Variants in TUBGCP2 observed in about 807,000 individuals in gnomAD.
TUBGCP2 encodes the protein tubulin gamma complex component 2.
Under a neutral mutation model 92.2 loss-of-function variants are expected in TUBGCP2, and 55 were observed. The ratio of observed to expected loss-of-function variants is 0.60; its 90% CI spans 0.48 to 0.75. The LOEUF (loss-of-function observed/expected upper bound fraction) is 0.75, where lower values mean the gene tolerates loss of function less well. TUBGCP2 is among the 30% of genes least tolerant of loss of function. The pLI, the probability that TUBGCP2 is intolerant of heterozygous loss-of-function variation, is 0.00. For missense variants in TUBGCP2, 1,093 were observed against 1,188.9 expected, an observed-to-expected ratio of 0.92 and a Z score of 1.19; for synonymous variants, 533 against 505.2, an observed-to-expected ratio of 1.06 and a Z score of -0.74.
chr10:133,299,618 A>G lies in TUBGCP2; in HGVS notation c.280-15T>C. 6.3e-7 allele frequency: 1 copy of G among 1,591,304 alleles called. No homozygotes were observed. The highest frequency in any genetic ancestry group is 8.6e-7 in the Non-Finnish European group (1 of 1,164,442). On this transcript the variant is annotated splice_polypyrimidine_tract_variant and intron_variant, in intron 3 of 17. Transcript: ENST00000252936. ...TACTGCAGAGTCTGAAAACATGTAA[A>G]ACTGTGTGTTCACACTGGGCCAGCA...
Position 133,283,220 on chromosome 10 carries a change from G to A in TUBGCP2, c.2147C>T (p.Ala716Val), listed in dbSNP as rs369872723. The change falls in exon 15 of 18, where the codon GCC becomes GTC. Residue 716 changes from alanine (A) to valine (V), a missense_variant and splice_region_variant. Physicochemically the swap from Ala to Val is moderately conservative, Grantham distance 64. Coordinates refer to ENST00000252936, the MANE Select transcript of TUBGCP2 (RefSeq NM_006659.4). The part of the protein sequence containing the change: ...WHILEKNLKS[A>V]SNIDDVLGHH... ...GCCAAGGACGTCGTCAATGTTGGAGGCCTGCGGGGAACAGGCCAAGCCCCT... is the reference window on the plus strand; with the variant it reads ...GCCAAGGACGTCGTCAATGTTGGAGACCTGCGGGGAACAGGCCAAGCCCCT... 2 of 1,614,084 alleles carry A rather than the reference G, an allele frequency of 1.2e-6. No homozygotes were observed. Among genetic ancestry groups the A allele is most frequent in the African/African-American group, 2.7e-5 (2 of 74,940 alleles).
chr10:133,294,871 A>G (rs1294871102), intron 5 of TUBGCP2, among the ~76,000 whole-genome samples: 1 of 151,964 alleles, frequency 6.6e-6, no homozygotes, highest in Non-Finnish European at 1.5e-5. Flanking sequence ...ATTTCTTTCT[A>G]TTACTCCAGT....
chr10:133,298,173 A>G (rs572103597), intron 4 of TUBGCP2, 62 bp from the exon 5 acceptor site: 28 of 1,546,096 alleles, frequency 1.8e-5, no homozygotes, highest in Admixed American at 5.4e-5. Context: ...ACACTCAACT[A>G]AAGACATGCA....
At chr10:133,311,205 A>G (rs1040502545), upstream of TUBGCP2, among the ~76,000 whole-genome samples, 7 of 152,276 alleles carry the variant, frequency 4.6e-5, no homozygotes, top group Middle Eastern at 3.4e-3. Context: ...CAGACTCTAC[A>G]TTTTCTCAAG....
intron 17 of TUBGCP2, 51 bp from the exon 18 acceptor site, chr10:133,279,952 T>G: frequency 3.8e-6 from 6 of 1,587,364 alleles, no homozygotes; most frequent in Non-Finnish European, 5.1e-6. Flanking sequence ...TGCGGGTGCA[T>G]GCTGGGCAGC....
At chr10:133,291,295 CGGGG>C in intron 8 of TUBGCP2, among the ~76,000 whole-genome samples, 5 of 111,782 alleles carry the variant, frequency 4.5e-5, no homozygotes, top group Admixed American at 9.2e-5. Context: ...CCCTGTGTCC[CGGGG>C]AGCCCTACCT....
At chr10:133,299,141 G>A (rs1315231948) in intron 4 of TUBGCP2, among the ~76,000 whole-genome samples, 1 of 152,172 alleles carries the variant, frequency 6.6e-6, no homozygotes, top group Non-Finnish European at 1.5e-5. Context: ...TAGGCTCAGA[G>A]TCACGTGGCC....
rs376929690 is a variant in TUBGCP2 at position 133,293,193 on chromosome 10, G to A, written c.870C>T (p.His290=). ...GGGTGCGCATGGCGGCCGCCAGGGC[G>A]TGGTTCACCTGCCCGTACTCGAAGG... ...KSSFEYGQVN[H]ALAAAMRTLV... is the part of the protein sequence containing the mutation. Residue 290 remains histidine (H), a synonymous_variant, in exon 7 of 18, where the codon CAC becomes CAT. Coordinates refer to ENST00000252936, the MANE Select transcript of TUBGCP2 (RefSeq NM_006659.4). 276 of 1,613,748 alleles carry A rather than the reference G, an allele frequency of 1.7e-4. No individual in the cohort carries two copies. Among genetic ancestry groups the A allele is most frequent in the Non-Finnish European group, 2.0e-4 (232 of 1,180,060 alleles).
chr10:133,281,226 G>A (rs776458149), intron 17 of TUBGCP2, 47 bp downstream of exon 17: 17 of 1,595,754 alleles, frequency 1.1e-5, no homozygotes, highest in South Asian at 6.6e-5. Flanking sequence ...AGGGGCAGGC[G>A]CTGGACTGAG....
intron 14 of TUBGCP2, 54 bp from the exon 15 acceptor site, chr10:133,283,275 C>T: frequency 6.2e-7 from 1 of 1,611,044 alleles, no homozygotes; most frequent in Admixed American, 1.7e-5. Flanking sequence ...ACAGACGGGC[C>T]CTGCATGCGC....
chr10:133,289,828 G>A lies in TUBGCP2; in HGVS notation c.1356C>T (p.Ser452=). ...TCCCCGCCCGCTGCGCCGCACCTGTGCTGAGGATCTTGTCCGCCATTTTCT... is the reference window on the plus strand; with the variant it reads ...TCCCCGCCCGCTGCGCCGCACCTGTACTGAGGATCTTGTCCGCCATTTTCT... ...FLQKMADKIL[S]TGKYLNVVRE... The change falls in exon 9 of 18, where the codon AGC becomes AGT. Residue 452 remains serine, a synonymous_variant. Transcript: ENST00000252936. 2.5e-6 allele frequency: 1 copy of A among 402,748 alleles called. No homozygotes were observed. The highest frequency in any genetic ancestry group is 1.3e-4 in the African/African-American group (1 of 7,700). The allele number at this position is 402,748 out of a possible 1,614,324, so 24.9% of individuals were successfully genotyped here.
upstream of TUBGCP2, chr10:133,309,718 A>G: frequency 6.3e-7 from 1 of 1,593,412 alleles, no homozygotes; most frequent in Non-Finnish European, 8.6e-7. Flanking sequence ...CTGTGCAGAA[A>G]GTCCAGCTTG....
chr10:133,303,109 G>A (rs569686676), intron 1 of TUBGCP2, 129 bp from the exon 2 acceptor site: 2 of 854,630 alleles, frequency 2.3e-6, no homozygotes, highest in African/African-American at 3.4e-5. Context: ...CCTGGCCTAG[G>A]GCCCCTCCCC....
chr10:133,289,988 C>A lies in TUBGCP2; in HGVS notation c.1215-19G>T. 6.2e-7 allele frequency: 1 copy of A among 1,607,902 alleles called. No homozygotes were observed. Among genetic ancestry groups the A allele is most frequent in the Non-Finnish European group, 8.5e-7 (1 of 1,174,798 alleles). On this transcript the variant is annotated intron_variant, in intron 8 of 17. Coordinates refer to ENST00000252936, the MANE Select transcript of TUBGCP2 (RefSeq NM_006659.4). ...AAACTCACTAAAACCACAGGGAGCGCTTCGGTCACAGGCAAAGCAAGGGCG... is the reference window on the plus strand; with the variant it reads ...AAACTCACTAAAACCACAGGGAGCGATTCGGTCACAGGCAAAGCAAGGGCG...
chr10:133,281,151 C>T (rs1242173511), intron 17 of TUBGCP2, 122 bp downstream of exon 17: 5 of 515,082 alleles, frequency 9.7e-6, no homozygotes, highest in African/African-American at 2.7e-5. Context: ...TGGGCCAGGG[C>T]GGTGTTGGGC....
rs1329806322 is a variant in TUBGCP2 at position 133,279,913 on chromosome 10, G to A, written c.2574-12C>T. On this transcript the variant is annotated splice_polypyrimidine_tract_variant and intron_variant, in intron 17 of 17. Transcript: ENST00000252936. ...CATTGAAGTCAAGCCTGTGAGGAAG[G>A]ACAGTGGAGCTGGGGTGCACACCCC... 1 of 1,608,474 alleles carries A rather than the reference G, an allele frequency of 6.2e-7. No homozygotes were observed. The highest frequency in any genetic ancestry group is 1.3e-5 in the African/African-American group (1 of 74,716).
Position 133,293,608 on chromosome 10 carries a change from C to G in TUBGCP2, c.778G>C (p.Val260Leu). The G allele has an allele frequency of 6.4e-7, 1 of 1,562,408 alleles. No individual in the cohort carries two copies. The highest frequency in any genetic ancestry group is 8.7e-7 in the Non-Finnish European group (1 of 1,153,486). ...PNLDLSIREL[V>L]HRILPVAASY... ...GCGGCCACTGGGAGGATCCTGTGCA[C>G]CAGCTCCCTGATGGACAGGTCCAGG... Residue 260 changes from valine to leucine, a missense_variant, in exon 6 of 18, where the codon GTG (valine) becomes CTG (leucine). This residue lies in a region of TUBGCP2 where 490 missense variants were observed against 488.5 expected (regional missense o/e 1.00). Transcript: ENST00000252936.
chr10:133,304,664 AAAC>A (rs1038936745), intron 1 of TUBGCP2, among the ~76,000 whole-genome samples: 38 of 152,224 alleles, frequency 2.5e-4, no homozygotes, highest in Non-Finnish European at 1.0e-4. Context: ...AAAATATATA[AAAC>A]AACAAGAGTT....
At chr10:133,288,700 A>G in intron 10 of TUBGCP2, 140 bp downstream of exon 10, 1 of 1,020,486 alleles carries the variant, frequency 9.8e-7, no homozygotes, top group Non-Finnish European at 1.4e-6. Flanking sequence ...TCCTTGAGCT[A>G]GAGACCATCC....
Sources: gnomAD v4.1 joint callset for allele counts (sites outside exome capture counted in the v4.1 genomes callset) on GRCh38, gnomAD v4.1.1 for gene constraint, gnomAD v4.1.1 regional missense constraint, MANE v1.5 for transcripts, NCBI Gene and HGNC (gene_info 2026-07-23, HGNC 2026-07-21) for gene names.